TSHZ2: variants seen among roughly 807,000 people sequenced by gnomAD.
The protein encoded by TSHZ2 is teashirt homolog 2.
Under a neutral mutation model 74.4 loss-of-function variants are expected in TSHZ2, and 21 were observed. The ratio of observed to expected loss-of-function variants is 0.28; its 90% CI spans 0.20 to 0.41. The LOEUF is 0.41. Ranked by LOEUF, TSHZ2 falls within the 10% of genes least tolerant of loss-of-function variation. TSHZ2 has a pLI of 1.00. For synonymous variants in TSHZ2, 540 were observed against 515.3 expected (o/e 1.05, Z -0.65); for missense variants, 1,244 against 1,293.5 (o/e 0.96, Z 0.59).
At chr20:53,077,702 A>G (rs1482990174) in intron 1 of TSHZ2, among the ~76,000 whole-genome samples, 1 of 152,200 alleles carries the variant, frequency 6.6e-6, no homozygotes, top group African/African-American at 2.4e-5. Flanking sequence ...GGTCAAAGAA[A>G]AACAAAGCCT....
At chr20:53,193,370 T>G (rs1988787339) in intron 1 of TSHZ2, among the ~76,000 whole-genome samples, 1 of 151,882 alleles carries the variant, frequency 6.6e-6, no homozygotes, top group Admixed American at 6.6e-5. Context: ...TCCTGTTAAG[T>G]CAAGAGCATG....
intron 1 of TSHZ2, among the ~76,000 whole-genome samples, chr20:53,247,057 C>G (rs941054309): frequency 6.6e-6 from 1 of 152,232 alleles, no homozygotes; most frequent in African/African-American, 2.4e-5. Flanking sequence ...ACTGTACCCA[C>G]GCCATCTCCA....
intron 1 of TSHZ2, among the ~76,000 whole-genome samples, chr20:53,119,874 C>G (rs1396877447): frequency 6.6e-6 from 1 of 152,194 alleles, no homozygotes; most frequent in East Asian, 1.9e-4. Flanking sequence ...AGTCTTCTAG[C>G]TAACGTGTAT....
chr20:53,166,696 G>A (rs953305568), intron 1 of TSHZ2, among the ~76,000 whole-genome samples: 6 of 152,034 alleles, frequency 3.9e-5, no homozygotes, highest in African/African-American at 1.5e-4. Context: ...ACTTGAGCCT[G>A]GGAAGTAGAG....
At chr20:53,210,498 A>G (rs2123608518) in intron 1 of TSHZ2, among the ~76,000 whole-genome samples, 1 of 152,098 alleles carries the variant, frequency 6.6e-6, no homozygotes, top group Non-Finnish European at 1.5e-5. Context: ...AACCGTTTCC[A>G]CATGAATTCC....
At position 53,428,608 on chromosome 20, in the gene TSHZ2, T is replaced by TAA. The variant is rs150487319; in HGVS notation, c.*9-58535_*9-58534insAA. Among the ~76,000 whole-genome samples the TAA allele has an allele frequency of 7.0e-3, 1,072 of 152,342 alleles. 22 individuals carry two copies. Among genetic ancestry groups the TAA allele is most frequent in the African/African-American group, 0.025 (1,020 of 41,576 alleles). Reference sequence around the variant, plus strand: ...GGGTGGTCAATGAACTCATTGGCATTACACTTTAATTTTCTGAATGGAACA... The same window carrying TAA: ...GGGTGGTCAATGAACTCATTGGCATTAAACACTTTAATTTTCTGAATGGAACA... On this transcript the variant is annotated intron_variant, in intron 2 of 2. Coordinates refer to ENST00000371497, the MANE Select transcript of TSHZ2 (RefSeq NM_173485.6).
intron 1 of TSHZ2, among the ~76,000 whole-genome samples, chr20:53,124,101 C>T (rs1041080140): frequency 2.0e-5 from 3 of 152,168 alleles, no homozygotes; most frequent in Non-Finnish European, 4.4e-5. Context: ...TCCCTTTTAG[C>T]GTCAGCCAGT....
At chr20:53,290,439 A>G (rs971004007) in intron 2 of TSHZ2, among the ~76,000 whole-genome samples, 1 of 152,082 alleles carries the variant, frequency 6.6e-6, no homozygotes, top group African/African-American at 2.4e-5. Flanking sequence ...CATTTATACA[A>G]TGTCTACTAT....
chr20:53,370,160 G>A (rs1378363209), intron 2 of TSHZ2, among the ~76,000 whole-genome samples: 2 of 152,086 alleles, frequency 1.3e-5, no homozygotes, highest in Non-Finnish European at 2.9e-5. Flanking sequence ...TTCTATTTCT[G>A]GGTTTCACTT....
At chr20:53,309,781 A>G (rs1316888983) in intron 2 of TSHZ2, among the ~76,000 whole-genome samples, 2 of 152,224 alleles carry the variant, frequency 1.3e-5, no homozygotes, top group African/African-American at 2.4e-5. Flanking sequence ...GTCATTTGAA[A>G]GTGGAAAGAG....
intron 1 of TSHZ2, among the ~76,000 whole-genome samples, chr20:53,125,120 GGAT>G (rs1233441961): frequency 6.6e-6 from 1 of 152,128 alleles, no homozygotes; most frequent in African/African-American, 2.4e-5. Context: ...TCGAAAATGA[GGAT>G]GATAATAATC....
intron 1 of TSHZ2, among the ~76,000 whole-genome samples, chr20:53,018,818 T>A (rs368254547): frequency 1.1e-3 from 174 of 152,316 alleles, no homozygotes; most frequent in African/African-American, 3.8e-3. Flanking sequence ...TACACTGAGA[T>A]CCTGTTTTGT....
intron 1 of TSHZ2, among the ~76,000 whole-genome samples, chr20:53,219,487 A>G (rs1989508258): frequency 6.6e-6 from 1 of 152,226 alleles, no homozygotes; most frequent in South Asian, 2.1e-4. Context: ...GATTGAGATA[A>G]TTATTGTTAT....
At chr20:53,297,122 T>C (rs1991394184) in intron 2 of TSHZ2, among the ~76,000 whole-genome samples, 1 of 152,188 alleles carries the variant, frequency 6.6e-6, no homozygotes, top group Non-Finnish European at 1.5e-5. Flanking sequence ...TTGTAATCTC[T>C]AACTGCAAAG....
chr20:53,272,057 G>A (rs1990851277), intron 2 of TSHZ2, among the ~76,000 whole-genome samples: 2 of 151,940 alleles, frequency 1.3e-5, no homozygotes, highest in East Asian at 1.9e-4. Context: ...CTGTTGCCAG[G>A]CTGGAGTGCA....
At chr20:53,211,624 A>G (rs971166296) in intron 1 of TSHZ2, among the ~76,000 whole-genome samples, 5 of 152,186 alleles carry the variant, frequency 3.3e-5, no homozygotes, top group Non-Finnish European at 1.5e-5. Flanking sequence ...CTCAGATGGG[A>G]GGATCGCTTG....
intron 1 of TSHZ2, among the ~76,000 whole-genome samples, chr20:53,216,070 G>A (rs1362014420): frequency 1.3e-5 from 2 of 151,998 alleles, no homozygotes; most frequent in Non-Finnish European, 2.9e-5. Context: ...CAAATTCCCA[G>A]AGACTCATAT....
At chr20:53,426,129 C>A (rs1600630036) in intron 2 of TSHZ2, among the ~76,000 whole-genome samples, 1 of 152,086 alleles carries the variant, frequency 6.6e-6, no homozygotes, top group African/African-American at 2.4e-5. Context: ...GGCTTTTTTT[C>A]TTTTCCTGCT....
intron 1 of TSHZ2, among the ~76,000 whole-genome samples, chr20:53,011,571 T>A (rs1311381037): frequency 6.6e-6 from 1 of 152,188 alleles, no homozygotes; most frequent in Non-Finnish European, 1.5e-5. Flanking sequence ...ACCAAACACA[T>A]TTCTGAGATG....
Sources: allele counts gnomAD v4.1 joint callset (sites outside exome capture counted in the v4.1 genomes callset), GRCh38; gene constraint gnomAD v4.1.1; transcripts MANE v1.5; gene names NCBI Gene and HGNC (gene_info 2026-07-23, HGNC 2026-07-21).